WDR44: variants seen among roughly 807,000 people sequenced by gnomAD.
The protein encoded by WDR44 is WD repeat-containing protein 44.
Under a neutral mutation model 65.7 loss-of-function variants are expected in WDR44, and 9 were observed. The ratio of observed to expected loss-of-function variants is 0.14; its 90% CI spans 0.08 to 0.24. The LOEUF (loss-of-function observed/expected upper bound fraction) is 0.24. Ranked by LOEUF, WDR44 falls within the 10% of genes least tolerant of loss-of-function variation. WDR44 has a pLI of 1.00. For synonymous variants in WDR44, 220 were observed against 235.2 expected, an observed-to-expected ratio of 0.94 and a Z score of 0.59; for missense variants, 425 against 670.9, an observed-to-expected ratio of 0.63 and a Z score of 4.05.
At chrX:118,436,383 A>G in intron 13 of WDR44, 1 of 252,546 alleles carries the variant, frequency 4.0e-6, no homozygotes, top group Non-Finnish European at 7.2e-6. Context: ...CTAAGTTCCA[A>G]TATGTGCAGG....
chrX:118,439,956 TA>T (rs1270831649), intron 14 of WDR44, among the ~76,000 whole-genome samples: 2 of 107,000 alleles, frequency 1.9e-5, no homozygotes, highest in Admixed American at 2.0e-4. Context: ...CCCATTTTTA[TA>T]AAAAAATTTA....
At chrX:118,435,879 A>G (rs2057250290) in intron 13 of WDR44, among the ~76,000 whole-genome samples, 1 of 112,440 alleles carries the variant, frequency 8.9e-6, no homozygotes, top group Admixed American at 9.5e-5. Context: ...TGCGAAGAAC[A>G]ATGCTTAACA....
intron 1 of WDR44, among the ~76,000 whole-genome samples, chrX:118,376,831 C>T (rs959907574): frequency 1.8e-5 from 2 of 109,857 alleles, no homozygotes; most frequent in Non-Finnish European, 3.8e-5. Flanking sequence ...TGGCAAACCC[C>T]GTCTCTATAC....
chrX:118,439,818 AAAAG>A (rs1432961306), intron 14 of WDR44, among the ~76,000 whole-genome samples: 4 of 107,846 alleles, frequency 3.7e-5, no homozygotes, highest in African/African-American at 1.0e-4. Flanking sequence ...GAAGGAAAAA[AAAAG>A]AAGAAGAAGA....
chrX:118,442,714 C>T (rs2057313257), intron 17 of WDR44, 34 bp downstream of exon 17: 4 of 1,080,409 alleles, frequency 3.7e-6, no homozygotes, highest in Middle Eastern at 2.5e-4. Context: ...CAAAAGAGAT[C>T]AGGACATTTC....
rs372592508 is a variant in WDR44, at chrX:118,398,479, C to T, written c.1274+9C>T. The T allele has an allele frequency of 4.3e-6, 5 of 1,165,572 alleles. No individual in the cohort carries two copies. The highest frequency in any genetic ancestry group is 5.8e-6 in the Non-Finnish European group (5 of 859,998). On this transcript the variant is annotated intron_variant, in intron 8 of 19. Coordinates refer to ENST00000254029, the MANE Select transcript of WDR44 (RefSeq NM_019045.5). ...AGGTTAAAACAGAAAACGTGAGTTA[C>T]AGTACATCCCTTTTCTTCATTTCAA...
At chrX:118,383,584 A>C (rs892265631) in intron 2 of WDR44, among the ~76,000 whole-genome samples, 6 of 111,944 alleles carry the variant, frequency 5.4e-5, no homozygotes, top group Non-Finnish European at 1.1e-4. Context: ...GATAAAAATA[A>C]TTAGTAGGAC....
chrX:118,352,352 A>ATATTTTTTTTT (rs1357425730), intron 1 of WDR44, among the ~76,000 whole-genome samples: 1 of 14,224 alleles, frequency 7.0e-5, no homozygotes, highest in African/African-American at 3.7e-4. Context: ...ATATATATAT[A>ATATTTTTTTTT]TTTTTTTTTT....
At chrX:118,378,121 A>G (rs913557569) in intron 1 of WDR44, among the ~76,000 whole-genome samples, 2 of 109,513 alleles carry the variant, frequency 1.8e-5, no homozygotes, top group Non-Finnish European at 3.8e-5. Context: ...ACACCCTGCT[A>G]ATTTTTGTAT....
At chrX:118,352,352 A>ATATATTTT (rs1357425730) in intron 1 of WDR44, among the ~76,000 whole-genome samples, 1 of 14,224 alleles carries the variant, frequency 7.0e-5, no homozygotes, top group African/African-American at 3.7e-4. Context: ...ATATATATAT[A>ATATATTTT]TTTTTTTTTT....
At chrX:118,367,997 A>T (rs1256928696) in intron 1 of WDR44, among the ~76,000 whole-genome samples, 2 of 111,913 alleles carry the variant, frequency 1.8e-5, no homozygotes, top group African/African-American at 6.5e-5. Context: ...CTTTAAAAAT[A>T]GACTACTGTT....
At chrX:118,420,750 A>T (rs1402782281) in intron 12 of WDR44, among the ~76,000 whole-genome samples, 2 of 112,563 alleles carry the variant, frequency 1.8e-5, no homozygotes, top group Non-Finnish European at 3.8e-5. Context: ...TTGCCTTCAC[A>T]GGGCAAAGCC....
chrX:118,376,392 C>T (rs1401632671), intron 1 of WDR44, among the ~76,000 whole-genome samples: 1 of 111,669 alleles, frequency 9.0e-6, no homozygotes, highest in Admixed American at 9.5e-5. Context: ...CTCATTTCTT[C>T]TCTTGGTTGT....
chrX:118,429,447 G>C (rs2057187807), intron 12 of WDR44, among the ~76,000 whole-genome samples: 1 of 108,517 alleles, frequency 9.2e-6, no homozygotes, highest in Non-Finnish European at 1.9e-5. Context: ...AAATTAGATG[G>C]GTGTGGTGCT....
At chrX:118,405,797 T>C (rs1175749393) in intron 9 of WDR44, among the ~76,000 whole-genome samples, 1 of 111,875 alleles carries the variant, frequency 8.9e-6, no homozygotes, top group Non-Finnish European at 1.9e-5. Context: ...AACAACTATT[T>C]ATATAACATT....
chrX:118,387,262 C>A, intron 2 of WDR44, 78 bp from the exon 3 acceptor site: 2 of 556,419 alleles, frequency 3.6e-6, no homozygotes, highest in East Asian at 4.4e-5. Context: ...TACATTTTCT[C>A]ATTTGTACCC....
intron 13 of WDR44, among the ~76,000 whole-genome samples, chrX:118,435,871 C>T (rs1372611743): frequency 1.3e-4 from 15 of 112,144 alleles, no homozygotes; most frequent in Non-Finnish European, 5.6e-5. Context: ...CTATATAATG[C>T]GAAGAACAAT....
chrX:118,361,919 C>T (rs1234847271), intron 1 of WDR44, among the ~76,000 whole-genome samples: 1 of 112,399 alleles, frequency 8.9e-6, no homozygotes, highest in Non-Finnish European at 1.9e-5. Flanking sequence ...AAACCACTTG[C>T]AGAAGCTATG....
At chrX:118,424,500 A>G (rs1202276605) in intron 12 of WDR44, among the ~76,000 whole-genome samples, 1 of 107,681 alleles carries the variant, frequency 9.3e-6, no homozygotes, top group African/African-American at 3.4e-5. Context: ...AGAAATGTCT[A>G]TTTAGGTCCT....
Sources: gnomAD v4.1 joint callset for allele counts (sites outside exome capture counted in the v4.1 genomes callset) on GRCh38, gnomAD v4.1.1 for gene constraint, MANE v1.5 for transcripts, NCBI Gene and HGNC (gene_info 2026-07-23, HGNC 2026-07-21) for gene names.